The following BACH1 variants were observed in gnomAD, a reference collection of about 807,000 sequenced individuals.
The protein encoded by BACH1 is transcription regulator protein BACH1.
A neutral mutation model predicts 52.9 loss-of-function variants in BACH1; 35 were observed. That is an observed-to-expected ratio of 0.66 (90% confidence interval 0.51 to 0.88). The LOEUF (loss-of-function observed/expected upper bound fraction) is 0.88. BACH1 is among the 40% of genes least tolerant of loss of function. The pLI, the probability that BACH1 is intolerant of heterozygous loss-of-function variation, is 0.00. For missense variants in BACH1, 808 were observed against 872.6 expected, an observed-to-expected ratio of 0.93 and a Z score of 0.93; for synonymous variants, 321 against 319.6, an observed-to-expected ratio of 1.00 and a Z score of -0.05.
chr21:29,356,822 G>A (rs1396868258), intron 2 of BACH1, among the ~76,000 whole-genome samples: 3 of 151,658 alleles, frequency 2.0e-5, no homozygotes, highest in Non-Finnish European at 4.4e-5. Context: ...AATGGAATAG[G>A]GTACACTGTT....
intron 2 of BACH1, among the ~76,000 whole-genome samples, chr21:29,323,644 A>G (rs1233980033): frequency 6.6e-6 from 1 of 152,146 alleles, no homozygotes; most frequent in East Asian, 1.9e-4. Context: ...CTTCTCTAGC[A>G]ACGCCCTCAC....
chr21:29,300,221 A>G (rs1351799824), intron 1 of BACH1: 1 of 152,038 alleles, frequency 6.6e-6, no homozygotes, highest in Non-Finnish European at 1.5e-5. Context: ...TGATTCTTGT[A>G]TTGTTGTTTA....
At chr21:29,317,954 C>T (rs1569011310) in intron 1 of BACH1, among the ~76,000 whole-genome samples, 1 of 151,934 alleles carries the variant, frequency 6.6e-6, no homozygotes, top group Non-Finnish European at 1.5e-5. Flanking sequence ...GGGATTTGAA[C>T]CCAGACAGTG....
intron 1 of BACH1, among the ~76,000 whole-genome samples, chr21:29,311,194 CT>C (rs1470486995): frequency 1.3e-5 from 2 of 152,082 alleles, no homozygotes; most frequent in African/African-American, 4.8e-5. Context: ...AACAAGATGT[CT>C]TTCTGTATTT....
At chr21:29,312,460 C>T (rs760993710) in intron 1 of BACH1, among the ~76,000 whole-genome samples, 92 of 152,066 alleles carry the variant, frequency 6.0e-4, no homozygotes, top group Non-Finnish European at 9.7e-4. Context: ...AGCATAAAGA[C>T]GGGAAAGAAG....
intron 2 of BACH1, among the ~76,000 whole-genome samples, chr21:29,324,231 C>CAAAAAA (rs35915821): frequency 6.3e-5 from 4 of 63,164 alleles, no homozygotes; most frequent in African/African-American, 2.0e-4. Context: ...GACTCTGCCT[C>CAAAAAA]AAAAAAAAAA....
At chr21:29,339,243 A>ATG (rs1178265177) in intron 4 of BACH1, among the ~76,000 whole-genome samples, 2 of 152,146 alleles carry the variant, frequency 1.3e-5, no homozygotes, top group African/African-American at 4.8e-5. Context: ...GCAGCAGTAT[A>ATG]TGTGTGTGTG....
In BACH1 at chr21:29,327,074, C is replaced by T; in HGVS notation, c.1250C>T (p.Ser417Leu). 6.2e-7 allele frequency: 1 copy of T among 1,614,202 alleles called. No homozygotes were observed. The change falls in exon 3 of 5, where the codon TCA becomes TTA. Residue 417 changes from serine to leucine, a missense_variant. By Grantham distance (145) the Ser-to-Leu change is moderately radical. Coordinates refer to ENST00000286800, the MANE Select transcript of BACH1 (RefSeq NM_001186.4). ...GACACTCCTTGCCAAATGCAGTTAT[C>T]ACCTGCTGTGGCCAAAGATGGCTCA... Reference protein sequence around the residue: ...STDTPCQMQLSPAVAKDGSEQ... With the variant: ...STDTPCQMQLLPAVAKDGSEQ...
chr21:29,339,130 C>G (rs2089080317), intron 4 of BACH1, among the ~76,000 whole-genome samples: 1 of 152,118 alleles, frequency 6.6e-6, no homozygotes, highest in Non-Finnish European at 1.5e-5. Flanking sequence ...CTCTAGGACA[C>G]ATTCCTAGAA....
In BACH1 at chr21:29,326,043, T is replaced by C; in HGVS notation, c.235-16T>C. On this transcript the variant is annotated splice_polypyrimidine_tract_variant and intron_variant, in intron 2 of 4. Coordinates refer to ENST00000286800, the MANE Select transcript of BACH1 (RefSeq NM_001186.4). ...CTTTCAAATGATGTGTTTGTTTTTA[T>C]TTTGTGTATCAACAGGTGACAGTTA... 1 of 1,572,092 alleles carries C rather than the reference T, an allele frequency of 6.4e-7. No individual in the cohort carries two copies. Among genetic ancestry groups the C allele is most frequent in the South Asian group, 1.2e-5 (1 of 84,564 alleles).
chr21:29,360,542 G>T (rs2089264911), intron 2 of BACH1, among the ~76,000 whole-genome samples: 1 of 152,064 alleles, frequency 6.6e-6, no homozygotes, highest in South Asian at 2.1e-4. Context: ...TCCCCTGACT[G>T]CCCTCATTAA....
intron 1 of BACH1, among the ~76,000 whole-genome samples, chr21:29,320,750 G>A (rs1307363742): frequency 6.6e-6 from 1 of 152,190 alleles, no homozygotes; most frequent in Non-Finnish European, 1.5e-5. Context: ...GAGGAATGGG[G>A]TGTGGAGAAT....
chr21:29,358,814 G>GAAAGAAAGAA, intron 2 of BACH1, among the ~76,000 whole-genome samples: 1 of 108,306 alleles, frequency 9.2e-6, no homozygotes, highest in South Asian at 3.4e-4. Context: ...AAGAAAGAAA[G>GAAAGAAAGAA]AAGAAAGAAA....
intron 2 of BACH1, among the ~76,000 whole-genome samples, chr21:29,360,124 A>G (rs749520641): frequency 1.3e-5 from 2 of 152,188 alleles, no homozygotes; most frequent in African/African-American, 2.4e-5. Flanking sequence ...GACCAAACCA[A>G]TGTACCTCTT....
chr21:29,323,160 T>C (rs1047865640), intron 2 of BACH1, among the ~76,000 whole-genome samples: 1 of 152,226 alleles, frequency 6.6e-6, no homozygotes, highest in African/African-American at 2.4e-5. Context: ...AATTGAAATT[T>C]TTATCGAGTG....
chr21:29,359,561 G>A (rs1296584401), intron 2 of BACH1: 1 of 151,334 alleles, frequency 6.6e-6, no homozygotes, highest in Non-Finnish European at 1.5e-5. Flanking sequence ...ACGATTTTAA[G>A]CAAAGAAAGA....
At chr21:29,318,569 T>C (rs2088813858) in intron 1 of BACH1, among the ~76,000 whole-genome samples, 1 of 152,160 alleles carries the variant, frequency 6.6e-6, no homozygotes, top group African/African-American at 2.4e-5. Flanking sequence ...GTAAGCTAGC[T>C]CTCAACCCAT....
chr21:29,326,531 C>G lies in BACH1; in HGVS notation c.707C>G (p.Thr236Ser). The G allele has an allele frequency of 1.9e-6, 3 of 1,614,216 alleles. No homozygotes were observed. The highest frequency in any genetic ancestry group is 2.5e-6 in the Non-Finnish European group (3 of 1,180,038). The stretch of plus-strand genomic sequence containing the variant: ...AGAAAATTCCAAAAAGCATTTGGAA[C>G]TGACAGAGTCCGTACTGGGGAATCT... ...KYRKFQKAFG[T>S]DRVRTGESSV... Residue 236 changes from threonine (T) to serine (S), a missense_variant, in exon 3 of 5, where the codon ACT (threonine) becomes AGT (serine). Thr to Ser is a moderately conservative substitution (Grantham distance 58, BLOSUM62 1). Transcript: ENST00000286800.
At chr21:29,328,338 T>C (rs1388423301) in intron 3 of BACH1, among the ~76,000 whole-genome samples, 1 of 152,190 alleles carries the variant, frequency 6.6e-6, no homozygotes, top group Non-Finnish European at 1.5e-5. Context: ...ATATTACTTA[T>C]AAGTCCAATA....
Sources: allele counts gnomAD v4.1 joint callset (sites outside exome capture counted in the v4.1 genomes callset), GRCh38; gene constraint gnomAD v4.1.1; transcripts MANE v1.5; gene names NCBI Gene and HGNC (gene_info 2026-07-23, HGNC 2026-07-21).